DOK7: variants seen among roughly 807,000 people sequenced by gnomAD.
The protein encoded by DOK7 is docking protein 7, also known as protein Dok-7.
Under a neutral mutation model 30.7 loss-of-function variants are expected in DOK7, and 32 were observed. The ratio of observed to expected loss-of-function variants is 1.04; its 90% CI spans 0.79 to 1.40. The LOEUF is 1.40. Among genes scored for constraint, DOK7 ranks in the 40% most tolerant of loss-of-function variants. DOK7 has a pLI of 0.00. For missense variants in DOK7, 1,007 were observed against 699.2 expected (o/e 1.44, Z -4.97); for synonymous variants, 447 against 324.1 (o/e 1.38, Z -4.07).
At chr4:3,498,197 G>C (rs559453159), downstream of DOK7, among the ~76,000 whole-genome samples, 1 of 152,158 alleles carries the variant, frequency 6.6e-6, no homozygotes, top group Non-Finnish European at 1.5e-5. Flanking sequence ...GAGTATCCGA[G>C]GTACTGGAAG....
intron 5 of DOK7, 24 bp downstream of exon 5, chr4:3,485,682 C>G (rs565899632): frequency 7.8e-6 from 12 of 1,529,362 alleles, no homozygotes; most frequent in Non-Finnish European, 1.1e-5. Flanking sequence ...CCTGGCCGGC[C>G]GGGGAGGGTG....
At position 3,493,363 on chromosome 4, in the gene DOK7, C is replaced by T. The variant is rs1310095017; in HGVS notation, c.1377C>T (p.Pro459=). The T allele has an allele frequency of 1.3e-6, 2 of 1,597,944 alleles. No individual in the cohort carries two copies. Among genetic ancestry groups the T allele is most frequent in the Admixed American group, 3.5e-5 (2 of 57,826 alleles). ...GGCGGGGCCTGGTGATGGAGGCCCC[C>T]CAGGGCAGCGAGGCCACACTGCCTG... ...TRRRGLVMEA[P]QGSEATLPGP... Residue 459 remains proline, a synonymous_variant, in exon 7 of 7, where the codon CCC becomes CCT. Transcript: ENST00000340083.
At chr4:3,490,150 CCCCACCCTGCTCA>C (rs1728149788) in intron 6 of DOK7, among the ~76,000 whole-genome samples, 2 of 62,884 alleles carry the variant, frequency 3.2e-5, no homozygotes, top group East Asian at 1.1e-3. Context: ...TTCCTTCCTT[CCCCACCCTGCTCA>C]TTCATTTCTT....
chr4:3,465,748 AGTGGGACCACGTTCCTCAATGTCTCCACC>A (rs991552739), intron 2 of DOK7, among the ~76,000 whole-genome samples: 3 of 152,210 alleles, frequency 2.0e-5, no homozygotes, highest in African/African-American at 7.2e-5. Context: ...GGTGCCCTGC[AGTGGGACCACGTTCCTCAATGTCTCCACC>A]GCGTCCTCAC....
At position 3,493,615 on chromosome 4, in the gene DOK7, G is replaced by C. The variant is rs1026279841; in HGVS notation, c.*114G>C. On this transcript the variant is annotated 3_prime_UTR_variant, in exon 7 of 7. Transcript: ENST00000340083. ...TGCTCTGTGTTCTGTGGGAGGGACC[G>C]GGGGTCTCCCGGAGAGGGGAGCTGG... The C allele has an allele frequency of 2.1e-5, 32 of 1,507,040 alleles. No individual in the cohort carries two copies. Among genetic ancestry groups the C allele is most frequent in the East Asian group, 7.4e-5 (3 of 40,380 alleles). 93.4% of individuals were successfully genotyped at this position (1,507,040 alleles called of 1,614,324 possible).
rs993570531 is a variant in DOK7, at chr4:3,491,782, T to G, written c.773-977T>G. Among the ~76,000 whole-genome samples, 8 of 152,312 alleles carry G rather than the reference T, an allele frequency of 5.3e-5. 1 individual carries two copies. Among genetic ancestry groups the G allele is most frequent in the African/African-American group, 1.9e-4 (8 of 41,582 alleles). Reference sequence around the variant, plus strand: ...GCAGAGGCACCTCCTCAGCTGCCGGTGGCTCTGGCTCTGTTGCCATTGTGG... The same window carrying G: ...GCAGAGGCACCTCCTCAGCTGCCGGGGGCTCTGGCTCTGTTGCCATTGTGG... On this transcript the variant is annotated intron_variant, in intron 6 of 6. Coordinates refer to ENST00000340083, the MANE Select transcript of DOK7 (RefSeq NM_173660.5).
rs1353220696 is a variant in DOK7, at chr4:3,493,175, G to A, written c.1189G>A (p.Val397Met). ...TCLPGTVEYQ[V>M]PTSLRAHYDT... ...CCTGCCCGGGACAGTCGAGTACCAG[G>A]TGCCCACCTCCCTGCGGGCCCACTA... The change falls in exon 7 of 7, where the codon GTG (valine) becomes ATG (methionine). Residue 397 changes from valine to methionine, a missense_variant. Physicochemically the swap from Val to Met is conservative, Grantham distance 21. Coordinates refer to ENST00000340083, the MANE Select transcript of DOK7 (RefSeq NM_173660.5). 4 of 1,608,946 alleles carry A rather than the reference G, an allele frequency of 2.5e-6. No homozygotes were observed. In the Admixed American group the frequency reaches 6.7e-5, roughly 27 times the overall value.
At chr4:3,468,249 A>T (rs62275881) in intron 2 of DOK7, among the ~76,000 whole-genome samples, 2 of 148,044 alleles carry the variant, frequency 1.4e-5, no homozygotes, top group Admixed American at 1.3e-4. Flanking sequence ...TATGTGTGCA[A>T]GTGTGTGTCC....
intron 4 of DOK7, 44 bp downstream of exon 4, chr4:3,476,586 C>A (rs1035116722): frequency 2.5e-6 from 4 of 1,610,654 alleles, no homozygotes; most frequent in Non-Finnish European, 3.4e-6. Flanking sequence ...GCAGCACCCC[C>A]CACTTCCCCT....
rs141567329 is a variant in DOK7, at chr4:3,468,915, A to ATG, written c.101-4485_101-4484dup. On this transcript the variant is annotated intron_variant, in intron 2 of 6. Transcript: ENST00000340083. ...TGTATGTGTGCATGTCTGTGTGTGT[A>ATG]TGTGTGTATGAGTGTGCGTGCTTTT... 6.0e-3 allele frequency among the ~76,000 whole-genome samples: 828 copies of ATG among 137,730 alleles called. 10 individuals are homozygous for ATG. Among genetic ancestry groups the ATG allele is most frequent in the African/African-American group, 0.02 (749 of 36,548 alleles). The allele number at this position is 137,730 out of a possible 152,430, so 90.4% of individuals were successfully genotyped here. A position where few individuals can be genotyped will look rare whatever the true frequency, so the allele number is the denominator to read the frequency against.
At chr4:3,491,772 C>T (rs1422266631) in intron 6 of DOK7, among the ~76,000 whole-genome samples, 2 of 152,268 alleles carry the variant, frequency 1.3e-5, no homozygotes, top group Non-Finnish European at 2.9e-5. Context: ...GGCACCTCCT[C>T]AGCTGCCGGT....
chr4:3,489,940 C>A (rs947809538), intron 6 of DOK7, 144 bp downstream of exon 6: 1 of 1,288,378 alleles, frequency 7.8e-7, no homozygotes, highest in Non-Finnish European at 1.0e-6. Flanking sequence ...ATTCATTCTT[C>A]CCCCAACTCC....
chr4:3,473,558 C>G lies in DOK7; in HGVS notation c.253C>G (p.Gln85Glu). The change falls in exon 3 of 7, where the codon CAG (glutamine) becomes GAG (glutamate). Residue 85 changes from glutamine (Q) to glutamate (E), a missense_variant. Coordinates refer to ENST00000340083, the MANE Select transcript of DOK7 (RefSeq NM_173660.5). ...CACGCTGGCCATTGTCTGCCTGTCC[C>G]AGGCCATCATGCTGGGCTTTGACAG... The part of the protein sequence containing the change: ...VHTLAIVCLS[Q>E]AIMLGFDSHE... 2 of 1,610,666 alleles carry G rather than the reference C, an allele frequency of 1.2e-6. No homozygotes were observed. Among genetic ancestry groups the G allele is most frequent in the East Asian group, 2.2e-5 (1 of 44,848 alleles).
intron 4 of DOK7, 134 bp from the exon 5 acceptor site, chr4:3,485,405 T>G: frequency 8.0e-7 from 1 of 1,250,656 alleles, no homozygotes; most frequent in Admixed American, 3.1e-5. Context: ...TCTGGGCATC[T>G]GACTTCGTGG....
chr4:3,471,263 C>T (rs939658321), intron 2 of DOK7, among the ~76,000 whole-genome samples: 30 of 152,236 alleles, frequency 2.0e-4, no homozygotes, highest in Non-Finnish European at 2.6e-4. Flanking sequence ...ATGGTCCTTA[C>T]GGCATTGCTG....
intron 3 of DOK7, among the ~76,000 whole-genome samples, chr4:3,474,715 A>G (rs1239319382): frequency 6.6e-6 from 1 of 152,104 alleles, no homozygotes; most frequent in Admixed American, 6.5e-5. Context: ...CCAGCTACTC[A>G]GGAGGCTGAG....
downstream of DOK7, among the ~76,000 whole-genome samples, chr4:3,495,678 C>T (rs901041628): frequency 6.6e-6 from 1 of 152,174 alleles, no homozygotes; most frequent in Non-Finnish European, 1.5e-5. Flanking sequence ...CCAGATGGGA[C>T]AGACACTGGT....
chr4:3,492,580 G>C (rs1434005102), intron 6 of DOK7, among the ~76,000 whole-genome samples, 179 bp from the exon 7 acceptor site: 1 of 152,132 alleles, frequency 6.6e-6, no homozygotes, highest in Non-Finnish European at 1.5e-5. Flanking sequence ...AGTGGATGAG[G>C]GGTAGAGGGG....
chr4:3,476,230 G>A lies in DOK7; in HGVS notation c.332-112G>A, dbSNP rs34427903. 1,366 of 536,024 alleles carry A rather than the reference G, an allele frequency of 2.5e-3. 119 individuals carry two copies. In the African/African-American group the frequency reaches 0.048, roughly 19 times the overall value. 33.2% of individuals were successfully genotyped at this position (536,024 alleles called of 1,614,324 possible). ...CCCATGATGCCCTCTCGCCCCGCCT[G>A]CCCGTGATGCCCTCTCACCCCACCC... On this transcript the variant is annotated intron_variant, in intron 3 of 6. Coordinates refer to ENST00000340083, the MANE Select transcript of DOK7 (RefSeq NM_173660.5).
Sources: gnomAD v4.1 joint callset for allele counts (sites outside exome capture counted in the v4.1 genomes callset) on GRCh38, gnomAD v4.1.1 for gene constraint, MANE v1.5 for transcripts, NCBI Gene and HGNC (gene_info 2026-07-23, HGNC 2026-07-21) for gene names.